Variants in LPP observed in about 807,000 individuals in gnomAD.
LPP encodes the protein LIM domain containing preferred translocation partner in lipoma, also known as lipoma-preferred partner.
LPP carries 38 observed loss-of-function variants against 60.4 expected under a neutral mutation model. The ratio of observed to expected loss-of-function variants is 0.63; its 90% CI spans 0.49 to 0.83. LPP has a LOEUF of 0.83. Among genes scored for constraint, LPP ranks in the 40% least tolerant of loss-of-function variants. The pLI is 0.00. For missense variants in LPP, 902 were observed against 783.6 expected (o/e 1.15, Z -1.80); for synonymous variants, 328 against 290.8 (o/e 1.13, Z -1.30).
At chr3:188,213,588 C>T (rs1278820120) in intron 1 of LPP, among the ~76,000 whole-genome samples, 3 of 152,076 alleles carry the variant, frequency 2.0e-5, no homozygotes, top group Admixed American at 6.5e-5. Context: ...GACCTCTTCC[C>T]GTTAGGATAT....
intron 4 of LPP, among the ~76,000 whole-genome samples, chr3:188,458,436 C>A (rs1798252220): frequency 6.6e-6 from 1 of 152,116 alleles, no homozygotes; most frequent in African/African-American, 2.4e-5. Context: ...CCTTAGGGTA[C>A]TGGGTGTTAC....
chr3:188,360,549 G>A (rs192099415), intron 3 of LPP, among the ~76,000 whole-genome samples: 2 of 151,824 alleles, frequency 1.3e-5, no homozygotes, highest in African/African-American at 4.8e-5. Context: ...TGGAGATGGG[G>A]TCTCACTATG....
chr3:188,296,998 C>T (rs775903764), intron 2 of LPP, among the ~76,000 whole-genome samples: 10 of 152,218 alleles, frequency 6.6e-5, no homozygotes, highest in Non-Finnish European at 1.3e-4. Flanking sequence ...CAGTGCCAGG[C>T]TTCTTGCCCC....
At chr3:188,400,877 A>G (rs890058962) in intron 3 of LPP, among the ~76,000 whole-genome samples, 7 of 152,210 alleles carry the variant, frequency 4.6e-5, no homozygotes, top group African/African-American at 1.4e-4. Flanking sequence ...TTGTGTTTAC[A>G]TGGGTCTCTC....
At chr3:188,484,014 T>C (rs1485298881) in intron 4 of LPP, among the ~76,000 whole-genome samples, 2 of 152,192 alleles carry the variant, frequency 1.3e-5, no homozygotes, top group African/African-American at 4.8e-5. Context: ...TCCCATGTTT[T>C]TCCTATGTCA....
chr3:188,673,775 G>A (rs142777985), intron 7 of LPP, among the ~76,000 whole-genome samples: 14 of 152,230 alleles, frequency 9.2e-5, no homozygotes, highest in South Asian at 4.1e-4. Context: ...AAGGAGAGGC[G>A]GGACTTATTG....
At chr3:188,541,316 G>T (rs1825111395) in intron 6 of LPP, among the ~76,000 whole-genome samples, 2 of 152,144 alleles carry the variant, frequency 1.3e-5, no homozygotes, top group African/African-American at 4.8e-5. Flanking sequence ...TTCAAGTGTT[G>T]CTCTGGTGTG....
intron 3 of LPP, among the ~76,000 whole-genome samples, chr3:188,404,584 C>T (rs958810962): frequency 2.2e-4 from 33 of 152,048 alleles, no homozygotes; most frequent in African/African-American, 7.7e-4. Flanking sequence ...GCTCTAGAGG[C>T]GATGCCGTTC....
At chr3:188,591,797 A>C (rs796099126) in intron 6 of LPP, among the ~76,000 whole-genome samples, 2 of 152,210 alleles carry the variant, frequency 1.3e-5, no homozygotes, top group Non-Finnish European at 2.9e-5. Context: ...AACAACAATA[A>C]ATGACTGGTC....
chr3:188,381,117 C>T (rs1776762503), intron 3 of LPP, among the ~76,000 whole-genome samples: 1 of 152,116 alleles, frequency 6.6e-6, no homozygotes, highest in Non-Finnish European at 1.5e-5. Flanking sequence ...AGTGGAGGCC[C>T]AGAGAGAAGT....
intron 6 of LPP, among the ~76,000 whole-genome samples, chr3:188,536,260 C>A (rs987357379): frequency 1.3e-5 from 2 of 152,108 alleles, no homozygotes; most frequent in Non-Finnish European, 2.9e-5. Context: ...CTGCCCGCCT[C>A]GGCCTCCCAA....
At chr3:188,523,062 C>T (rs368682901) in intron 5 of LPP, among the ~76,000 whole-genome samples, 11 of 151,938 alleles carry the variant, frequency 7.2e-5, no homozygotes, top group East Asian at 5.8e-4. Flanking sequence ...GGCCTGCCAC[C>T]ACACCCAGCT....
intron 4 of LPP, among the ~76,000 whole-genome samples, chr3:188,430,333 A>C (rs566473823): frequency 1.3e-5 from 2 of 152,302 alleles, no homozygotes; most frequent in South Asian, 4.1e-4. Context: ...CTTATATTGT[A>C]CATGGGTTTA....
intron 4 of LPP, among the ~76,000 whole-genome samples, chr3:188,451,161 G>T (rs1370516706): frequency 6.6e-6 from 1 of 152,090 alleles, no homozygotes; most frequent in African/African-American, 2.4e-5. Flanking sequence ...GGTATTGCAT[G>T]ACTTTATATT....
chr3:188,839,003 A>G (rs1759216618), intron 9 of LPP, among the ~76,000 whole-genome samples: 1 of 152,204 alleles, frequency 6.6e-6, no homozygotes, highest in Non-Finnish European at 1.5e-5. Context: ...CATTCTGCAC[A>G]TGTATCTCAA....
At chr3:188,407,370 G>T (rs1783755470) in intron 4 of LPP, among the ~76,000 whole-genome samples, 1 of 152,140 alleles carries the variant, frequency 6.6e-6, no homozygotes, top group South Asian at 2.1e-4. Context: ...AGTATTTTGG[G>T]TCTGATGCCA....
chr3:188,761,720 G>A (rs753856096), intron 9 of LPP, among the ~76,000 whole-genome samples: 9 of 152,160 alleles, frequency 5.9e-5, no homozygotes, highest in South Asian at 2.1e-4. Flanking sequence ...ACAAAGTAAT[G>A]TACTGTTGAT....
chr3:188,678,415 A>G (rs947789616), intron 7 of LPP, among the ~76,000 whole-genome samples: 1 of 152,188 alleles, frequency 6.6e-6, no homozygotes, highest in Non-Finnish European at 1.5e-5. Context: ...TGGAGCAATC[A>G]ATTCTACTGT....
At chr3:188,606,951 C>CTT (rs1842493222) in intron 6 of LPP, among the ~76,000 whole-genome samples, 1 of 152,090 alleles carries the variant, frequency 6.6e-6, no homozygotes, top group South Asian at 2.1e-4. Flanking sequence ...GACAGGCATG[C>CTT]TCTCTGCTGC....
Sources: gnomAD v4.1 joint callset for allele counts (sites outside exome capture counted in the v4.1 genomes callset) on GRCh38, gnomAD v4.1.1 for gene constraint, MANE v1.5 for transcripts, NCBI Gene and HGNC (gene_info 2026-07-23, HGNC 2026-07-21) for gene names.